The following MAML2 variants were observed in gnomAD, a reference collection of about 807,000 sequenced individuals.
MAML2 encodes the protein mastermind-like protein 2.
A neutral mutation model predicts 96.1 loss-of-function variants in MAML2; 22 were observed. That is an observed-to-expected ratio of 0.23 (90% confidence interval 0.16 to 0.33). MAML2 has a LOEUF of 0.33. Ranked by LOEUF, MAML2 falls within the 10% of genes least tolerant of loss-of-function variation. The pLI is 1.00. For missense variants in MAML2, 1,367 were observed against 1,392.4 expected, an observed-to-expected ratio of 0.98 and a Z score of 0.29; for synonymous variants, 561 against 521.3, an observed-to-expected ratio of 1.08 and a Z score of -1.04.
chr11:96,038,710 A>G (rs998347993), intron 2 of MAML2, among the ~76,000 whole-genome samples: 5 of 152,270 alleles, frequency 3.3e-5, no homozygotes, highest in Admixed American at 2.0e-4. Flanking sequence ...TTCCCTCATA[A>G]CTTATCTAAA....
chr11:96,188,807 T>A (rs1861610875), intron 1 of MAML2, among the ~76,000 whole-genome samples: 1 of 151,920 alleles, frequency 6.6e-6, no homozygotes, highest in Non-Finnish European at 1.5e-5. Flanking sequence ...AAAGCACATG[T>A]GAAACATCTC....
intron 1 of MAML2, among the ~76,000 whole-genome samples, chr11:96,154,200 G>C (rs949010086): frequency 5.3e-5 from 8 of 152,232 alleles, no homozygotes; most frequent in African/African-American, 1.9e-4. Flanking sequence ...CCTGCTCCCA[G>C]AAATCCTGAT....
rs150332062 is a variant in MAML2, at chr11:96,150,635, G to C, written c.514-57118C>G. Among the ~76,000 whole-genome samples the C allele has an allele frequency of 3.1e-3, 479 of 152,220 alleles. 2 individuals carry two copies. The highest frequency in any genetic ancestry group is 0.01 in the Middle Eastern group (3 of 294). ...CAAAGCACCCACACCCACAGCTTTG[G>C]GGTCTTAGAGTCATTAATGAGCGAC... On this transcript the variant is annotated intron_variant, in intron 1 of 4. Transcript: ENST00000524717.
rs116719980 is a variant in MAML2, at chr11:96,250,199, T to C, written c.513+91184A>G. On this transcript the variant is annotated intron_variant, in intron 1 of 4. Transcript: ENST00000524717. ...TGAGTATACATCCATCTAGGCTTGG[T>C]AGACAAATTATCTGCTTTTCTTTTT... 6.3e-3 allele frequency among the ~76,000 whole-genome samples: 966 copies of C among 152,306 alleles called. 15 individuals carry two copies. Among genetic ancestry groups the C allele is most frequent in the African/African-American group, 0.022 (921 of 41,576 alleles).
At chr11:96,295,733 T>G (rs987462915) in intron 1 of MAML2, among the ~76,000 whole-genome samples, 1 of 136,882 alleles carries the variant, frequency 7.3e-6, no homozygotes, top group Non-Finnish European at 1.5e-5. Context: ...TAAATGTATA[T>G]GAACATACAT....
Position 96,177,713 on chromosome 11 carries a change from T to C in MAML2, c.514-84196A>G, listed in dbSNP as rs559807047. On this transcript the variant is annotated intron_variant, in intron 1 of 4. Coordinates refer to ENST00000524717, the MANE Select transcript of MAML2 (RefSeq NM_032427.4). ...ACCTAAACATTTGTCCTGAAATTAT[T>C]AGCAACTCCAAGCCTACATTTTGTC... is the stretch of plus-strand genomic sequence containing the variant. Among the ~76,000 whole-genome samples, 17 of 152,268 alleles carry C rather than the reference T, an allele frequency of 1.1e-4. 1 individual carries two copies. The highest frequency in any genetic ancestry group is 1.1e-3 in the Admixed American group (17 of 15,292).
chr11:96,201,589 G>C (rs1040537658), intron 1 of MAML2, among the ~76,000 whole-genome samples: 6 of 152,232 alleles, frequency 3.9e-5, no homozygotes, highest in Admixed American at 3.9e-4. Flanking sequence ...CTTAGACCAA[G>C]TGGAGTCATA....
At position 96,170,807 on chromosome 11, in the gene MAML2, C is replaced by G. The variant is rs190336075; in HGVS notation, c.514-77290G>C. Among the ~76,000 whole-genome samples the G allele has an allele frequency of 9.9e-3, 1,502 of 152,222 alleles. 6 individuals are homozygous for G. The highest frequency in any genetic ancestry group is 0.015 in the Non-Finnish European group (1,000 of 67,996). ...TTGGCTCACTGCAAGCTCCGCCTCC[C>G]GGGTTCACGCCATTCTCCTGCCTCA... On this transcript the variant is annotated intron_variant, in intron 1 of 4. Coordinates refer to ENST00000524717, the MANE Select transcript of MAML2 (RefSeq NM_032427.4).
chr11:96,062,893 T>A (rs927339277), intron 2 of MAML2, among the ~76,000 whole-genome samples: 10 of 152,150 alleles, frequency 6.6e-5, no homozygotes, highest in Admixed American at 5.9e-4. Context: ...AGGGACTGTG[T>A]CTTACTCATC....
rs1184302382 is a variant in MAML2 at position 95,979,648 on chromosome 11, G to A, written c.2771C>T (p.Thr924Ile). Residue 924 changes from threonine (T) to isoleucine (I), a missense_variant, in exon 5 of 5, where the codon ACT becomes ATT. Transcript: ENST00000524717. ...LGPSNNNNVA[T>I]FGAGSVGNSQ... Reference sequence around the variant, plus strand: ...ATTACCAACAGATCCAGCTCCAAAAGTGGCTACATTGTTATTATTACTTGG... The same window carrying A: ...ATTACCAACAGATCCAGCTCCAAAAATGGCTACATTGTTATTATTACTTGG... The A allele has an allele frequency of 3.1e-6, 5 of 1,613,838 alleles. No individual in the cohort carries two copies. Among genetic ancestry groups the A allele is most frequent in the African/African-American group, 1.3e-5 (1 of 74,926 alleles).
intron 1 of MAML2, among the ~76,000 whole-genome samples, chr11:96,094,155 C>A (rs1246725976): frequency 6.6e-5 from 10 of 152,182 alleles, no homozygotes; most frequent in Admixed American, 6.5e-4. Flanking sequence ...TGTGGACACA[C>A]AAAAGTCATG....
intron 1 of MAML2, among the ~76,000 whole-genome samples, chr11:96,338,826 C>T (rs1358862999): frequency 6.6e-6 from 1 of 152,164 alleles, no homozygotes; most frequent in African/African-American, 2.4e-5. Flanking sequence ...GACACTCACC[C>T]TGAACAAAGG....
intron 1 of MAML2, among the ~76,000 whole-genome samples, chr11:96,097,834 A>C (rs1348010578): frequency 6.6e-6 from 1 of 151,688 alleles, no homozygotes; most frequent in East Asian, 1.9e-4. Context: ...TCCTTGTTTA[A>C]TCTCATGGCT....
At chr11:96,299,058 A>T (rs867309254) in intron 1 of MAML2, among the ~76,000 whole-genome samples, 9,450 of 54,304 alleles carry the variant, frequency 0.17, 571 homozygotes, top group Non-Finnish European at 0.22. Flanking sequence ...AAAAAAAAAA[A>T]AAATATATAT....
At chr11:96,025,403 G>A (rs1311760025) in intron 2 of MAML2, among the ~76,000 whole-genome samples, 1 of 152,080 alleles carries the variant, frequency 6.6e-6, no homozygotes, top group Admixed American at 6.6e-5. Context: ...TACTGGGGGA[G>A]GGGGGAGGTG....
chr11:96,193,112 T>C (rs1204172335), intron 1 of MAML2, among the ~76,000 whole-genome samples: 2 of 152,204 alleles, frequency 1.3e-5, no homozygotes, highest in East Asian at 1.9e-4. Flanking sequence ...CTCAGGCCTA[T>C]AATCCCAGCA....
intron 1 of MAML2, among the ~76,000 whole-genome samples, chr11:96,309,696 A>AT (rs36116461): frequency 0.49 from 68,078 of 138,722 alleles, 17,482 homozygotes; most frequent in Non-Finnish European, 0.58. Flanking sequence ...CAAAGGAACA[A>AT]TTTTTTTTTT....
At chr11:96,321,780 A>G (rs754483981) in intron 1 of MAML2, among the ~76,000 whole-genome samples, 16 of 152,182 alleles carry the variant, frequency 1.1e-4, no homozygotes, top group Non-Finnish European at 1.8e-4. Flanking sequence ...TTCCCTCCAC[A>G]TGTGTTTAAT....
chr11:96,143,847 C>T (rs897998930), intron 1 of MAML2, among the ~76,000 whole-genome samples: 7 of 152,278 alleles, frequency 4.6e-5, no homozygotes, highest in Admixed American at 6.5e-5. Flanking sequence ...AAATCTGTGC[C>T]GCGAACCTTG....
Sources: gnomAD v4.1 joint callset for allele counts (sites outside exome capture counted in the v4.1 genomes callset) on GRCh38, gnomAD v4.1.1 for gene constraint, MANE v1.5 for transcripts, NCBI Gene and HGNC (gene_info 2026-07-23, HGNC 2026-07-21) for gene names.